The following ZNF398 variants were observed in gnomAD, a reference collection of about 807,000 sequenced individuals.
ZNF398 encodes the protein zinc finger DNA binding protein ZER6.
ZNF398 carries 18 observed loss-of-function variants against 41.9 expected under a neutral mutation model. That is an observed-to-expected ratio of 0.43 (90% CI 0.30 to 0.64). The LOEUF (loss-of-function observed/expected upper bound fraction) is 0.64. Among genes scored for constraint, ZNF398 ranks in the 30% least tolerant of loss-of-function variants. The pLI is 0.14. For synonymous variants in ZNF398, 260 were observed against 308.8 expected (o/e 0.84, Z 1.66); for missense variants, 669 against 822.8 (o/e 0.81, Z 2.29).
upstream of ZNF398, among the ~76,000 whole-genome samples, chr7:149,144,737 C>T (rs559020711): frequency 6.6e-6 from 1 of 152,002 alleles, no homozygotes; most frequent in Non-Finnish European, 1.5e-5. Context: ...TATAGGCACC[C>T]ACGACCACGC....
At chr7:149,174,827 A>AAAAC (rs949229016) in intron 4 of ZNF398, among the ~76,000 whole-genome samples, 7 of 152,190 alleles carry the variant, frequency 4.6e-5, no homozygotes, top group Admixed American at 3.3e-4. Context: ...CCCTGTCTCA[A>AAAAC]AAACAAACAA....
upstream of ZNF398, among the ~76,000 whole-genome samples, chr7:149,145,226 A>C (rs984114713): frequency 2.1e-4 from 32 of 152,210 alleles, no homozygotes; most frequent in African/African-American, 5.8e-4. Flanking sequence ...TTTGATTCAT[A>C]CATGTTTGAA....
At chr7:149,128,307 G>C (rs147707003) in intron 1 of ZNF398, among the ~76,000 whole-genome samples, 37 of 152,292 alleles carry the variant, frequency 2.4e-4, no homozygotes, top group African/African-American at 8.9e-4. Context: ...GCGATTTTCT[G>C]ATTGGCAATT....
intron 2 of ZNF398, among the ~76,000 whole-genome samples, chr7:149,141,529 A>G (rs1307240512): frequency 1.5e-5 from 2 of 137,108 alleles, no homozygotes; most frequent in Non-Finnish European, 3.0e-5. Context: ...AACTTGGCTC[A>G]CTGCAAGCTC....
chr7:149,128,786 A>C (rs1826538230), intron 1 of ZNF398: 1 of 149,544 alleles, frequency 6.7e-6, no homozygotes, highest in South Asian at 2.1e-4. Context: ...AAAATTATAT[A>C]TATATATATA....
intron 2 of ZNF398, among the ~76,000 whole-genome samples, chr7:149,134,778 G>A (rs996512443): frequency 2.6e-5 from 4 of 151,994 alleles, no homozygotes; most frequent in Non-Finnish European, 5.9e-5. Context: ...TCGCCCAGGC[G>A]GGAATGCAGT....
At position 149,154,041 on chromosome 7, in the gene ZNF398, A is replaced by ATC. The variant is rs1563158672; in HGVS notation, c.127_128dup (p.Trp44CysfsTer11). 2 of 1,614,152 alleles carry ATC rather than the reference A, an allele frequency of 1.2e-6. No individual in the cohort carries two copies. The highest frequency in any genetic ancestry group is 2.2e-5 in the East Asian group (1 of 44,892). ...TGAGGCACACCTGCAGACAGCAGCT[A>ATC]TCTCTCTGTGGACAGTGGTGGCCGC... is the stretch of plus-strand genomic sequence containing the variant. On this transcript the variant is annotated frameshift_variant, in exon 2 of 6. Transcript: ENST00000475153. LOFTEE classifies it high-confidence loss of function.
intron 2 of ZNF398, among the ~76,000 whole-genome samples, chr7:149,157,958 C>T (rs887443529): frequency 6.6e-6 from 1 of 150,856 alleles, no homozygotes; most frequent in Non-Finnish European, 1.5e-5. Context: ...GCCTGTAGTC[C>T]CTGCCTGTAG....
chr7:149,166,964 C>G, intron 4 of ZNF398, 34 bp downstream of exon 4: 3 of 1,490,054 alleles, frequency 2.0e-6, no homozygotes, highest in Non-Finnish European at 1.8e-6. Context: ...CTTCTTGTCT[C>G]CCTTTCCTGG....
chr7:149,133,654 AAT>A (rs146151029), intron 2 of ZNF398, among the ~76,000 whole-genome samples: 2,348 of 71,790 alleles, frequency 0.033, 156 homozygotes, highest in African/African-American at 0.095. Flanking sequence ...GTGTTTTTTA[AAT>A]ATATATATAT....
intron 4 of ZNF398, among the ~76,000 whole-genome samples, chr7:149,174,557 G>C (rs1470369394): frequency 1.3e-5 from 2 of 152,100 alleles, no homozygotes; most frequent in African/African-American, 4.8e-5. Context: ...AGGCATGGTG[G>C]GTCATGCCTA....
chr7:149,157,969 C>T (rs1368530894), intron 2 of ZNF398, among the ~76,000 whole-genome samples: 1 of 151,984 alleles, frequency 6.6e-6, no homozygotes, highest in African/African-American at 2.4e-5. Context: ...CTGCCTGTAG[C>T]TACTCGGGAG....
intron 1 of ZNF398, among the ~76,000 whole-genome samples, chr7:149,127,106 A>T (rs1297137635): frequency 7.2e-5 from 11 of 152,174 alleles, no homozygotes. Context: ...GAGAAACACG[A>T]AGACGCAAAA....
intron 1 of ZNF398, among the ~76,000 whole-genome samples, chr7:149,149,419 G>A (rs747390764): frequency 3.3e-5 from 5 of 151,962 alleles, no homozygotes; most frequent in Non-Finnish European, 7.4e-5. Context: ...TTTTAGTAGA[G>A]AGGGGGGTTT....
chr7:149,146,830 GAGTGAGACTCCGT>G (rs1189312269), upstream of ZNF398, among the ~76,000 whole-genome samples: 4 of 152,078 alleles, frequency 2.6e-5, no homozygotes, highest in African/African-American at 9.7e-5. Context: ...CTGGGCGACG[GAGTGAGACTCCGT>G]CTCTAAATAA....
chr7:149,174,663 A>G (rs543505372), intron 4 of ZNF398, among the ~76,000 whole-genome samples: 5 of 152,134 alleles, frequency 3.3e-5, no homozygotes, highest in Non-Finnish European at 7.4e-5. Flanking sequence ...CATCTTTACC[A>G]AAAATACAAA....
At chr7:149,137,805 A>G (rs960152521) in intron 2 of ZNF398, among the ~76,000 whole-genome samples, 1 of 152,248 alleles carries the variant, frequency 6.6e-6, no homozygotes, top group African/African-American at 2.4e-5. Flanking sequence ...GGCAAGCACA[A>G]TCACTTACAT....
At chr7:149,176,148 C>T (rs572920017) in intron 4 of ZNF398, among the ~76,000 whole-genome samples, 17 of 151,992 alleles carry the variant, frequency 1.1e-4, no homozygotes, top group African/African-American at 3.1e-4. Context: ...CTGGCTAACA[C>T]GGTGAAACCC....
chr7:149,151,366 A>G, intron 1 of ZNF398: 1 of 658,850 alleles, frequency 1.5e-6, no homozygotes, highest in South Asian at 2.6e-5. Flanking sequence ...ACGGGCAGAT[A>G]CCAGGAGCAA....
Sources: allele counts gnomAD v4.1 joint callset (sites outside exome capture counted in the v4.1 genomes callset), GRCh38; gene constraint gnomAD v4.1.1; transcripts MANE v1.5; gene names NCBI Gene and HGNC (gene_info 2026-07-23, HGNC 2026-07-21).